EPHA3: variants seen among roughly 807,000 people sequenced by gnomAD.
The protein encoded by EPHA3 is ephrin type-A receptor 3.
A neutral mutation model predicts 107.1 loss-of-function variants in EPHA3; 42 were observed. The observed-to-expected ratio is 0.39, with a 90% confidence interval of 0.31 to 0.51. The LOEUF is 0.51. Among genes scored for constraint, EPHA3 ranks in the 20% least tolerant of loss-of-function variants. EPHA3 has a pLI of 0.78. For synonymous variants in EPHA3, 461 were observed against 424.8 expected, an observed-to-expected ratio of 1.09 and a Z score of -1.05; for missense variants, 1,183 against 1,211.2, an observed-to-expected ratio of 0.98 and a Z score of 0.35.
chr3:89,364,747 T>TG (rs1302074158), intron 5 of EPHA3, among the ~76,000 whole-genome samples: 4 of 151,174 alleles, frequency 2.6e-5, no homozygotes, highest in Non-Finnish European at 5.9e-5. Context: ...TAAAGAATTA[T>TG]GTTAAACCTG....
At position 89,448,264 on chromosome 3, in the gene EPHA3, T is replaced by A. The variant is rs529425232; in HGVS notation, c.2347-961T>A. Among the ~76,000 whole-genome samples, 8 of 152,160 alleles carry A rather than the reference T, an allele frequency of 5.3e-5. No individual in the cohort carries two copies. In the East Asian group the frequency reaches 1.6e-3, roughly 30 times the overall value. On this transcript the variant is annotated intron_variant, in intron 13 of 16. Coordinates refer to ENST00000336596, the MANE Select transcript of EPHA3 (RefSeq NM_005233.6). ...ATCAAAATTTTCATTTTACTGGGAG[T>A]AAGCTGTATATGATTTATATGCATT... is the stretch of plus-strand genomic sequence containing the variant.
At chr3:89,467,797 A>G (rs1311776362) in intron 15 of EPHA3, among the ~76,000 whole-genome samples, 1 of 152,234 alleles carries the variant, frequency 6.6e-6, no homozygotes, top group Non-Finnish European at 1.5e-5. Context: ...CTGAGCAAAT[A>G]TGTAATTTCC....
At position 89,474,319 on chromosome 3, in the gene EPHA3, G is replaced by A. The variant is rs139724363; in HGVS notation, c.2846+1700G>A. Among the ~76,000 whole-genome samples the A allele has an allele frequency of 5.9e-5, 9 of 152,252 alleles. No individual in the cohort carries two copies. The East Asian group carries it at 1.7e-3, about 29-fold the overall frequency. On this transcript the variant is annotated intron_variant, in intron 16 of 16. Coordinates refer to ENST00000336596, the MANE Select transcript of EPHA3 (RefSeq NM_005233.6). ...ATGCACCAGCATTCTTGTTCAAAGT[G>A]GAATGTGGTGTTTATTGAATAGACT...
At chr3:89,300,759 T>C (rs553425465) in intron 3 of EPHA3, among the ~76,000 whole-genome samples, 1 of 152,200 alleles carries the variant, frequency 6.6e-6, no homozygotes, top group African/African-American at 2.4e-5. Context: ...GTCTGCCATT[T>C]ATTTTAATAA....
chr3:89,341,485 G>A (rs1392248693), intron 4 of EPHA3, among the ~76,000 whole-genome samples: 1 of 152,092 alleles, frequency 6.6e-6, no homozygotes, highest in Admixed American at 6.6e-5. Context: ...CTATTCACAA[G>A]GGTTTTGAAC....
At chr3:89,190,858 T>C (rs1256690923) in intron 2 of EPHA3, among the ~76,000 whole-genome samples, 1 of 152,164 alleles carries the variant, frequency 6.6e-6, no homozygotes, top group Non-Finnish European at 1.5e-5. Flanking sequence ...CCTCTTCTTA[T>C]AAGGCCTCCG....
intron 3 of EPHA3, among the ~76,000 whole-genome samples, chr3:89,231,881 A>T (rs536374146): frequency 5.3e-5 from 8 of 152,298 alleles, no homozygotes; most frequent in African/African-American, 1.9e-4. Flanking sequence ...TGAAGAATGG[A>T]CAGTCATGTA....
chr3:89,409,192 A>G (rs1709110681), intron 9 of EPHA3, among the ~76,000 whole-genome samples: 1 of 152,106 alleles, frequency 6.6e-6, no homozygotes, highest in Admixed American at 6.6e-5. Flanking sequence ...CAAAAAAGCC[A>G]AAGTACTACA....
In EPHA3 at chr3:89,326,091, C is replaced by A. The variant is rs540768478; in HGVS notation, c.815-14825C>A. 1.5e-4 allele frequency among the ~76,000 whole-genome samples: 22 copies of A among 150,954 alleles called. No individual in the cohort carries two copies. The East Asian group carries it at 3.5e-3, about 24-fold the overall frequency. On this transcript the variant is annotated intron_variant, in intron 3 of 16. Transcript: ENST00000336596. Reference sequence around the variant, plus strand: ...GGTTTTAAAATGTGATTATGATGATCATTAATTATATATATTATTATATGT... The same window carrying A: ...GGTTTTAAAATGTGATTATGATGATAATTAATTATATATATTATTATATGT...
rs777933065 is a variant in EPHA3 at position 89,417,638 on chromosome 3, A to T, written c.1889-1567A>T. 2.6e-5 allele frequency among the ~76,000 whole-genome samples: 4 copies of T among 151,404 alleles called. No individual in the cohort carries two copies. In the Admixed American group the frequency reaches 2.6e-4, roughly 10 times the overall value. ...AAATGGCATATTCTTCCTTCGAATT[A>T]GCAAGATCAATGAACTTTCTCAAGT... On this transcript the variant is annotated intron_variant, in intron 10 of 16. Coordinates refer to ENST00000336596, the MANE Select transcript of EPHA3 (RefSeq NM_005233.6).
intron 3 of EPHA3, among the ~76,000 whole-genome samples, chr3:89,328,133 A>T (rs1707209548): frequency 6.6e-6 from 1 of 152,016 alleles, no homozygotes; most frequent in African/African-American, 2.4e-5. Context: ...GAAAAAACTC[A>T]AATAATTTAT....
At chr3:89,468,736 A>G (rs1559707233) in intron 15 of EPHA3, among the ~76,000 whole-genome samples, 1 of 152,292 alleles carries the variant, frequency 6.6e-6, no homozygotes, top group South Asian at 2.1e-4. Flanking sequence ...TAGTGGTTCA[A>G]TGACTTATCC....
At chr3:89,237,771 G>A (rs773680682) in intron 3 of EPHA3, among the ~76,000 whole-genome samples, 11 of 152,022 alleles carry the variant, frequency 7.2e-5, no homozygotes, top group Non-Finnish European at 1.2e-4. Context: ...TTCAAGGGCA[G>A]CCTGGGCAAC....
intron 11 of EPHA3, among the ~76,000 whole-genome samples, chr3:89,427,176 G>A (rs951937203): frequency 6.6e-6 from 1 of 151,836 alleles, no homozygotes; most frequent in Non-Finnish European, 1.5e-5. Context: ...AATGTATCAA[G>A]TGGTTGTAAC....
chr3:89,191,693 C>A (rs1705720536), intron 2 of EPHA3, among the ~76,000 whole-genome samples: 1 of 151,926 alleles, frequency 6.6e-6, no homozygotes, highest in Non-Finnish European at 1.5e-5. Context: ...ATTGGTTACC[C>A]AGTTAATTGG....
chr3:89,166,664 T>A (rs1207251797), intron 2 of EPHA3, among the ~76,000 whole-genome samples: 4 of 152,206 alleles, frequency 2.6e-5, no homozygotes, highest in African/African-American at 9.7e-5. Context: ...TCTCCTTTTT[T>A]CTTTTGCTTC....
intron 5 of EPHA3, among the ~76,000 whole-genome samples, chr3:89,355,457 A>G (rs1707925087): frequency 1.3e-5 from 2 of 151,498 alleles, no homozygotes. Context: ...TTGAAAAACA[A>G]AGTGGAACAG....
intron 3 of EPHA3, among the ~76,000 whole-genome samples, chr3:89,292,305 C>A (rs1706225697): frequency 6.6e-6 from 1 of 152,060 alleles, no homozygotes; most frequent in Non-Finnish European, 1.5e-5. Flanking sequence ...ACTACTATTT[C>A]CATATCATTT....
intron 16 of EPHA3, 110 bp from the exon 17 acceptor site, chr3:89,479,287 T>G: frequency 1.2e-6 from 1 of 804,218 alleles, no homozygotes; most frequent in Non-Finnish European, 2.1e-6. Flanking sequence ...TATCAGACAA[T>G]TAGGTCCACA....
Sources: allele counts gnomAD v4.1 joint callset (sites outside exome capture counted in the v4.1 genomes callset), GRCh38; gene constraint gnomAD v4.1.1; transcripts MANE v1.5; gene names NCBI Gene and HGNC (gene_info 2026-07-23, HGNC 2026-07-21).